The following PDE3A variants were observed in gnomAD, a reference collection of about 807,000 sequenced individuals.
The protein encoded by PDE3A is phosphodiesterase 3A, also known as cGMP-inhibited 3',5'-cyclic phosphodiesterase 3A.
A neutral mutation model predicts 98.3 loss-of-function variants in PDE3A; 43 were observed. That is an observed-to-expected ratio of 0.44 (90% CI 0.34 to 0.56). The LOEUF is 0.56. PDE3A is among the 20% of genes least tolerant of loss of function. The pLI, the probability that PDE3A is intolerant of heterozygous loss-of-function variation, is 0.01. For synonymous variants in PDE3A, 663 were observed against 567.9 expected, an observed-to-expected ratio of 1.17 and a Z score of -2.38; for missense variants, 1,427 against 1,440.7, an observed-to-expected ratio of 0.99 and a Z score of 0.15.
At chr12:20,670,350 A>C (rs1463755231) in intron 15 of PDE3A, among the ~76,000 whole-genome samples, 5 of 149,932 alleles carry the variant, frequency 3.3e-5, no homozygotes, top group African/African-American at 1.2e-4. Flanking sequence ...AAGCGGACCT[A>C]ATAGACATCT....
At chr12:20,603,273 A>C (rs1304447135) in intron 2 of PDE3A, among the ~76,000 whole-genome samples, 1 of 54,068 alleles carries the variant, frequency 1.8e-5, no homozygotes, top group Non-Finnish European at 5.5e-5. Context: ...TTTGCCTCCC[A>C]GGGTGCCTCC....
intron 1 of PDE3A, chr12:20,450,117 C>T: frequency 2.2e-6 from 1 of 458,332 alleles, no homozygotes. Flanking sequence ...GCTCCTTTCC[C>T]AGAATGCATC....
rs1475794942 is a variant in PDE3A, at chr12:20,368,880, C to T, written c.-405C>T. Among the ~76,000 whole-genome samples, 2 of 152,040 alleles carry T rather than the reference C, an allele frequency of 1.3e-5. No homozygotes were observed. Among genetic ancestry groups the T allele is most frequent in the South Asian group, 2.1e-4 (1 of 4,812 alleles). On this transcript the variant is annotated 5_prime_UTR_variant, in exon 1 of 16. Transcript: ENST00000359062. ...GCGCCCCCGGCTCCTCCAGCGTCAG[C>T]GGCTCCTGCGCGCGGGATGCATTGG... is the stretch of plus-strand genomic sequence containing the variant.
intron 1 of PDE3A, among the ~76,000 whole-genome samples, chr12:20,525,788 A>G (rs1377682060): frequency 6.6e-6 from 1 of 152,176 alleles, no homozygotes; most frequent in East Asian, 1.9e-4. Flanking sequence ...TAAAAGTATG[A>G]GAGGATAAAG....
At chr12:20,562,777 G>C (rs573780380) in intron 2 of PDE3A, among the ~76,000 whole-genome samples, 1 of 152,092 alleles carries the variant, frequency 6.6e-6, no homozygotes, top group African/African-American at 2.4e-5. Context: ...GGACTTAAAA[G>C]TACTTACAAG....
At chr12:20,626,118 T>C (rs934953730) in intron 5 of PDE3A, among the ~76,000 whole-genome samples, 3 of 151,984 alleles carry the variant, frequency 2.0e-5, no homozygotes, top group South Asian at 2.1e-4. Flanking sequence ...CATGATTACA[T>C]TGAAAGCATT....
At chr12:20,586,337 T>C (rs548897698) in intron 2 of PDE3A, among the ~76,000 whole-genome samples, 1 of 152,300 alleles carries the variant, frequency 6.6e-6, no homozygotes, top group East Asian at 1.9e-4. Context: ...AGCACTCTTA[T>C]TATTTCTTCT....
intron 6 of PDE3A, 121 bp downstream of exon 6, chr12:20,630,248 A>G (rs906210555): frequency 3.7e-5 from 25 of 682,668 alleles, no homozygotes; most frequent in Middle Eastern, 8.2e-4. Flanking sequence ...ACAACCAAGT[A>G]TAGGATAATG....
At chr12:20,434,170 CTTTT>C (rs58536656) in intron 1 of PDE3A, among the ~76,000 whole-genome samples, 3 of 147,588 alleles carry the variant, frequency 2.0e-5, no homozygotes, top group Non-Finnish European at 4.5e-5. Flanking sequence ...TTGAAGGTGA[CTTTT>C]TTTTTTTCCT....
At chr12:20,493,628 A>G (rs887438708) in intron 1 of PDE3A, among the ~76,000 whole-genome samples, 11 of 151,486 alleles carry the variant, frequency 7.3e-5, no homozygotes, top group African/African-American at 2.7e-4. Flanking sequence ...CCATTCACAA[A>G]CTACTTTTCT....
chr12:20,514,114 C>A (rs1946274826), intron 1 of PDE3A, among the ~76,000 whole-genome samples: 1 of 152,162 alleles, frequency 6.6e-6, no homozygotes, highest in African/African-American at 2.4e-5. Flanking sequence ...ATTAAATCCA[C>A]ATCTCTGGGG....
At chr12:20,459,330 T>C (rs773352427) in intron 1 of PDE3A, among the ~76,000 whole-genome samples, 1 of 152,156 alleles carries the variant, frequency 6.6e-6, no homozygotes, top group Non-Finnish European at 1.5e-5. Context: ...AGTTGTGAAA[T>C]CTTTCCAACT....
At chr12:20,468,923 C>G (rs1299361768) in intron 1 of PDE3A, among the ~76,000 whole-genome samples, 5 of 152,146 alleles carry the variant, frequency 3.3e-5, no homozygotes, top group Non-Finnish European at 7.4e-5. Flanking sequence ...ATTTTGCAAA[C>G]TGTGAGGCTG....
At chr12:20,417,444 G>C (rs74595359) in intron 1 of PDE3A, among the ~76,000 whole-genome samples, 2,961 of 152,190 alleles carry the variant, frequency 0.019, 37 homozygotes, top group South Asian at 0.049. Context: ...CCATAGCCTC[G>C]AGAGGTAAAA....
intron 1 of PDE3A, among the ~76,000 whole-genome samples, chr12:20,385,997 T>TATATATATAAATATATATAAA (rs1565532310): frequency 2.3e-4 from 24 of 102,900 alleles, no homozygotes; most frequent in Non-Finnish European, 3.0e-4. Flanking sequence ...ATATATAAAA[T>TATATATATAAATATATATAAA]ATATATATAA....
intron 1 of PDE3A, among the ~76,000 whole-genome samples, chr12:20,465,392 A>T (rs1024218313): frequency 6.6e-6 from 1 of 151,986 alleles, no homozygotes; most frequent in African/African-American, 2.4e-5. Context: ...AATTTTTAAA[A>T]ATTTATTTAT....
At chr12:20,634,431 C>T (rs1014999476) in intron 7 of PDE3A, among the ~76,000 whole-genome samples, 64 of 152,072 alleles carry the variant, frequency 4.2e-4, no homozygotes, top group Non-Finnish European at 2.1e-4. Context: ...CCACAGGATT[C>T]CAAGAAATAG....
At chr12:20,462,262 G>A (rs919535958) in intron 1 of PDE3A, among the ~76,000 whole-genome samples, 1 of 152,138 alleles carries the variant, frequency 6.6e-6, no homozygotes, top group Non-Finnish European at 1.5e-5. Context: ...AGGCTAAGAT[G>A]GGCAGATCAC....
chr12:20,552,017 C>T lies in PDE3A; in HGVS notation c.961-4643C>T, dbSNP rs1047201316. On this transcript the variant is annotated intron_variant, in intron 1 of 15. Transcript: ENST00000359062. The surrounding 1 kb of genome is among the most constrained non-coding windows in gnomAD (Gnocchi z 5.1). ...GACGGAGCGTACTCCCTAGTCCTGG[C>T]GGGGGGCTACGAGGATGACGTGGAC... 12 of 1,612,428 alleles carry T rather than the reference C, an allele frequency of 7.4e-6. No individual in the cohort carries two copies. Among genetic ancestry groups the T allele is most frequent in the East Asian group, 2.2e-5 (1 of 44,872 alleles).
Sources: allele counts gnomAD v4.1 joint callset (sites outside exome capture counted in the v4.1 genomes callset), GRCh38; gene constraint gnomAD v4.1.1; non-coding constraint Gnocchi (gnomAD v3.1); transcripts MANE v1.5; gene names NCBI Gene and HGNC (gene_info 2026-07-23, HGNC 2026-07-21).